Variants in HECTD2 observed in about 807,000 individuals in gnomAD.
The protein encoded by HECTD2 is HECT domain E3 ubiquitin protein ligase 2, also known as probable E3 ubiquitin-protein ligase HECTD2.
Under a neutral mutation model 103.2 loss-of-function variants are expected in HECTD2, and 35 were observed. The ratio of observed to expected loss-of-function variants is 0.34; its 90% CI spans 0.26 to 0.45. HECTD2 has a LOEUF of 0.45. Among genes scored for constraint, HECTD2 ranks in the 20% least tolerant of loss-of-function variants. The probability of loss-of-function intolerance (pLI) is 1.00; values close to 1 mark genes in which losing one functional copy is unlikely to be tolerated. For missense variants in HECTD2, 596 were observed against 937.4 expected (o/e 0.64, Z 4.76); for synonymous variants, 281 against 329.9 (o/e 0.85, Z 1.61).
At chr10:91,470,946 T>C (rs145092388) in intron 5 of HECTD2, among the ~76,000 whole-genome samples, 37 of 152,066 alleles carry the variant, frequency 2.4e-4, no homozygotes, top group African/African-American at 8.4e-4. Flanking sequence ...CAGCATCATC[T>C]TGATATCATC....
intron 20 of HECTD2, among the ~76,000 whole-genome samples, chr10:91,504,786 G>T (rs1160406890): frequency 6.6e-6 from 1 of 151,758 alleles, no homozygotes; most frequent in Non-Finnish European, 1.5e-5. Context: ...ACACCACAAA[G>T]ATACTCCTCG....
chr10:91,425,949 G>A (rs1412189040), intron 2 of HECTD2, among the ~76,000 whole-genome samples: 1 of 151,924 alleles, frequency 6.6e-6, no homozygotes, highest in East Asian at 1.9e-4. Context: ...GATATTGGAA[G>A]CAATCTATAT....
intron 20 of HECTD2, among the ~76,000 whole-genome samples, chr10:91,508,976 G>A (rs1847310469): frequency 6.6e-6 from 1 of 151,906 alleles, no homozygotes. Flanking sequence ...CCTTTGTAGG[G>A]ATATGGATGA....
rs890029662 is a variant in HECTD2 at position 91,514,807 on chromosome 10, A to G, written c.*2423A>G. 1 of 152,550 alleles carries G rather than the reference A, an allele frequency of 6.6e-6. No homozygotes were observed. The highest frequency in any genetic ancestry group is 1.9e-4 in the East Asian group (1 of 5,184). 9.4% of individuals were successfully genotyped at this position (152,550 alleles called of 1,614,324 possible). ...AACACTTGGGCAATTAATTAAAGCC[A>G]TATGTTTAAAATATTTTATAAATGC... On this transcript the variant is annotated 3_prime_UTR_variant, in exon 21 of 21. Transcript: ENST00000298068.
chr10:91,429,635 A>G (rs1172013685), intron 2 of HECTD2, among the ~76,000 whole-genome samples: 2 of 152,054 alleles, frequency 1.3e-5, no homozygotes, highest in Non-Finnish European at 2.9e-5. Context: ...GAATTTATCC[A>G]TTTCTTCTAG....
intron 13 of HECTD2, among the ~76,000 whole-genome samples, chr10:91,493,122 A>G (rs1846539251): frequency 6.6e-6 from 1 of 151,586 alleles, no homozygotes; most frequent in Admixed American, 6.6e-5. Flanking sequence ...ATGAAACTAT[A>G]CTTTTTATAA....
chr10:91,484,934 G>A (rs1846214459), intron 9 of HECTD2, among the ~76,000 whole-genome samples: 1 of 151,876 alleles, frequency 6.6e-6, no homozygotes, highest in South Asian at 2.1e-4. Flanking sequence ...GGAGTAAATG[G>A]CCATCTGCAT....
intron 1 of HECTD2, among the ~76,000 whole-genome samples, chr10:91,412,149 G>A (rs1260550349): frequency 6.6e-6 from 1 of 152,176 alleles, no homozygotes; most frequent in Non-Finnish European, 1.5e-5. Context: ...TAAGGTCCTA[G>A]CCAGTTCTCT....
intron 20 of HECTD2, among the ~76,000 whole-genome samples, chr10:91,503,450 C>T (rs928992073): frequency 3.0e-4 from 45 of 152,220 alleles, no homozygotes; most frequent in Non-Finnish European, 5.3e-4. Flanking sequence ...CAGGGCGAGG[C>T]ATTGCCTCAC....
chr10:91,454,996 T>A (rs1264878132), intron 2 of HECTD2, among the ~76,000 whole-genome samples: 1 of 152,142 alleles, frequency 6.6e-6, no homozygotes, highest in Admixed American at 6.6e-5. Flanking sequence ...TAGTTCCAAG[T>A]CTTAGCTATT....
In HECTD2 at chr10:91,487,543, A is replaced by G. The variant is rs148535574; in HGVS notation, c.1095-139A>G. The G allele has an allele frequency of 4.2e-3, 2,993 of 709,298 alleles. 24 individuals carry two copies. Among genetic ancestry groups the G allele is most frequent in the Middle Eastern group, 0.011 (44 of 4,172 alleles). 43.9% of individuals were successfully genotyped at this position (709,298 alleles called of 1,614,324 possible). ...GTGAGAATTAAAAGAAATTATACAC[A>G]TACAATCATTTTGTATATGGTAAAA... On this transcript the variant is annotated intron_variant, in intron 10 of 20. Coordinates refer to ENST00000298068, the MANE Select transcript of HECTD2 (RefSeq NM_182765.6). The surrounding 1 kb of genome is among the most constrained non-coding windows in gnomAD (Gnocchi z 4.1).
At chr10:91,470,821 C>A (rs531783570) in intron 5 of HECTD2, among the ~76,000 whole-genome samples, 2 of 152,152 alleles carry the variant, frequency 1.3e-5, no homozygotes, top group East Asian at 3.9e-4. Context: ...AGCCCAGAAC[C>A]AAGTGGATTC....
intron 5 of HECTD2, among the ~76,000 whole-genome samples, chr10:91,472,721 G>A (rs1232551494): frequency 6.6e-6 from 1 of 152,212 alleles, no homozygotes; most frequent in Non-Finnish European, 1.5e-5. Flanking sequence ...CTGATCATTA[G>A]AGAATTGCAA....
intron 3 of HECTD2, 63 bp downstream of exon 3, chr10:91,460,628 AAT>A: frequency 6.9e-7 from 1 of 1,457,752 alleles, no homozygotes; most frequent in Non-Finnish European, 9.2e-7. Flanking sequence ...TACATAATTT[AAT>A]ATCTTTATTT....
At position 91,460,675 on chromosome 10, in the gene HECTD2, GC is replaced by G. The variant is rs1845310096; in HGVS notation, c.407+112del. ...ACTTTTGGATCACTATAAGATATTA[GC>G]CAAGAGGACCTCAAAAGACTATATG... On this transcript the variant is annotated intron_variant, in intron 3 of 20. Transcript: ENST00000298068. 4.8e-6 allele frequency: 5 copies of G among 1,033,204 alleles called. No individual in the cohort carries two copies. In the South Asian group the frequency reaches 1.3e-4, roughly 28 times the overall value. 64.0% of individuals were successfully genotyped at this position (1,033,204 alleles called of 1,614,324 possible). A position where few individuals can be genotyped will look rare whatever the true frequency, so the allele number is the denominator to read the frequency against.
chr10:91,461,915 A>G (rs1478285134), intron 4 of HECTD2, among the ~76,000 whole-genome samples, 180 bp from the exon 5 acceptor site: 1 of 152,192 alleles, frequency 6.6e-6, no homozygotes, highest in African/African-American at 2.4e-5. Flanking sequence ...TTTAAAAAAG[A>G]AAGTTATTAA....
At chr10:91,505,563 G>A (rs930732274) in intron 20 of HECTD2, among the ~76,000 whole-genome samples, 3 of 151,598 alleles carry the variant, frequency 2.0e-5, no homozygotes, top group Non-Finnish European at 4.4e-5. Context: ...AATTCAACAA[G>A]AAGAGCTAAC....
intron 5 of HECTD2, chr10:91,463,667 C>G (rs1845434113): frequency 6.6e-6 from 1 of 152,082 alleles, no homozygotes; most frequent in Non-Finnish European, 1.5e-5. Flanking sequence ...AATAGCAGAC[C>G]TCTTTGTCTT....
chr10:91,462,265 C>A lies in HECTD2; in HGVS notation c.600+81C>A, dbSNP rs113643223. The A allele has an allele frequency of 3.8e-5, 53 of 1,379,030 alleles. No homozygotes were observed. In the Middle Eastern group the frequency reaches 6.6e-4, roughly 17 times the overall value. 85.4% of individuals were successfully genotyped at this position (1,379,030 alleles called of 1,614,324 possible). ...GCAGCCATACAAATATTGTAAAAAT[C>A]ACCTTATAATTACCTTAGAAACTCT... On this transcript the variant is annotated intron_variant, in intron 5 of 20. Coordinates refer to ENST00000298068, the MANE Select transcript of HECTD2 (RefSeq NM_182765.6).
Sources: allele counts gnomAD v4.1 joint callset (sites outside exome capture counted in the v4.1 genomes callset), GRCh38; gene constraint gnomAD v4.1.1; non-coding constraint Gnocchi (gnomAD v3.1); transcripts MANE v1.5; gene names NCBI Gene and HGNC (gene_info 2026-07-23, HGNC 2026-07-21).